The following EPS15L1 variants were observed in gnomAD, a reference collection of about 807,000 sequenced individuals.
EPS15L1 encodes epidermal growth factor receptor pathway substrate 15 like 1, also known as epidermal growth factor receptor substrate 15-like 1.
Under a neutral mutation model 117.1 loss-of-function variants are expected in EPS15L1, and 43 were observed. The observed-to-expected ratio is 0.37, with a 90% confidence interval of 0.29 to 0.47. The LOEUF (loss-of-function observed/expected upper bound fraction) is 0.47, where lower values mean the gene tolerates loss of function less well. EPS15L1 is among the 20% of genes least tolerant of loss of function. EPS15L1 has a pLI of 0.99. For missense variants in EPS15L1, 981 were observed against 1,164.0 expected (o/e 0.84, Z 2.29); for synonymous variants, 459 against 470.5 (o/e 0.98, Z 0.32).
intron 6 of EPS15L1, 68 bp downstream of exon 6, chr19:16,436,869 C>A: frequency 7.8e-7 from 1 of 1,286,066 alleles, no homozygotes; most frequent in Non-Finnish European, 1.1e-6. Flanking sequence ...CAGAACAATT[C>A]TAGAACAACT....
intron 21 of EPS15L1, 80 bp from the exon 22 acceptor site, chr19:16,377,334 G>C: frequency 6.5e-7 from 1 of 1,536,534 alleles, no homozygotes; most frequent in Non-Finnish European, 8.9e-7. Flanking sequence ...AGACGCTCAT[G>C]CTCCAAGGGC....
intron 9 of EPS15L1, among the ~76,000 whole-genome samples, chr19:16,422,509 G>A (rs1262141849): frequency 6.6e-6 from 1 of 152,120 alleles, no homozygotes; most frequent in African/African-American, 2.4e-5. Flanking sequence ...GATGATGAGG[G>A]AGTGGAGAGA....
intron 21 of EPS15L1, among the ~76,000 whole-genome samples, chr19:16,379,883 C>T (rs1302184224): frequency 6.6e-6 from 1 of 152,138 alleles, no homozygotes; most frequent in Admixed American, 6.5e-5. Flanking sequence ...ACTAGCCACA[C>T]CAATGCAGCC....
rs570096577 is a variant in EPS15L1 at position 16,451,804 on chromosome 19, C to T, written c.34-9585G>A. Among the ~76,000 whole-genome samples the T allele has an allele frequency of 2.5e-3, 375 of 149,144 alleles. 1 individual carries two copies. The highest frequency in any genetic ancestry group is 8.0e-3 in the African/African-American group (328 of 40,904). On this transcript the variant is annotated intron_variant, in intron 1 of 23. Transcript: ENST00000455140. ...TCGGCCTGCCAGAGTGCTGGGATTA[C>T]AGGCGTGAGCCACCGCGCCTGGCCT...
intron 13 of EPS15L1, 126 bp downstream of exon 13, chr19:16,413,647 C>T (rs2092728693): frequency 1.2e-6 from 1 of 810,834 alleles, no homozygotes; most frequent in Non-Finnish European, 2.0e-6. Context: ...ATTCTGCAGC[C>T]CCCAAGAGCT....
At chr19:16,461,041 C>T (rs2093244247) in intron 1 of EPS15L1, among the ~76,000 whole-genome samples, 1 of 151,948 alleles carries the variant, frequency 6.6e-6, no homozygotes, top group Non-Finnish European at 1.5e-5. Context: ...CGCGGTGGCT[C>T]ACGCCTGTAA....
intron 23 of EPS15L1, among the ~76,000 whole-genome samples, chr19:16,361,065 G>A (rs1599517215): frequency 6.6e-6 from 1 of 152,190 alleles, no homozygotes; most frequent in African/African-American, 2.4e-5. Context: ...GCGACGGCAT[G>A]TTACAATCTG....
At chr19:16,399,568 A>T (rs138995350) in intron 16 of EPS15L1, among the ~76,000 whole-genome samples, 1 of 152,312 alleles carries the variant, frequency 6.6e-6, no homozygotes, top group East Asian at 1.9e-4. Context: ...TCTCTCAGAA[A>T]AAAGCCCTGG....
chr19:16,362,160 C>G (rs2092064260), intron 22 of EPS15L1, among the ~76,000 whole-genome samples, 176 bp from the exon 23 acceptor site: 1 of 152,108 alleles, frequency 6.6e-6, no homozygotes, highest in African/African-American at 2.4e-5. Flanking sequence ...TCAGCTTTAT[C>G]CCAGGGGCTT....
intron 22 of EPS15L1, among the ~76,000 whole-genome samples, chr19:16,364,539 T>C (rs1428106988): frequency 6.6e-6 from 1 of 152,184 alleles, no homozygotes; most frequent in Non-Finnish European, 1.5e-5. Context: ...CTGGTTCCGC[T>C]GGCCTTGAGG....
At chr19:16,357,979 C>G (rs1056760069) in intron 23 of EPS15L1, 2 of 152,320 alleles carry the variant, frequency 1.3e-5, no homozygotes, top group Non-Finnish European at 2.9e-5. Context: ...GGGAGGGAGA[C>G]AGTGCAGCTG....
chr19:16,456,721 G>A (rs955574086), intron 1 of EPS15L1, among the ~76,000 whole-genome samples: 8 of 152,104 alleles, frequency 5.3e-5, no homozygotes, highest in African/African-American at 1.9e-4. Context: ...AGGGCAGGCG[G>A]GACAAAGTCA....
At chr19:16,395,667 G>C (rs2092532362) in intron 16 of EPS15L1, among the ~76,000 whole-genome samples, 200 bp from the exon 17 acceptor site, 1 of 152,160 alleles carries the variant, frequency 6.6e-6, no homozygotes, top group African/African-American at 2.4e-5. Flanking sequence ...AATGAGGCCA[G>C]GCATGGTGGC....
chr19:16,419,673 A>G (rs2092795475), intron 10 of EPS15L1, among the ~76,000 whole-genome samples: 1 of 152,230 alleles, frequency 6.6e-6, no homozygotes, highest in Admixed American at 6.5e-5. Flanking sequence ...CCGTTCTAAC[A>G]GACTTATTTA....
At chr19:16,385,232 G>C (rs765115797) in intron 20 of EPS15L1, 21 bp from the exon 21 acceptor site, 2 of 1,608,058 alleles carry the variant, frequency 1.2e-6, no homozygotes, top group Admixed American at 1.7e-5. Context: ...CACCAACAAA[G>C]TCAGAGTTAC....
chr19:16,359,716 G>C (rs118028279), intron 23 of EPS15L1, among the ~76,000 whole-genome samples: 3,357 of 152,156 alleles, frequency 0.022, 53 homozygotes, highest in Non-Finnish European at 0.034. Context: ...TTTAAAATTA[G>C]CCAGATGTGG....
intron 1 of EPS15L1, among the ~76,000 whole-genome samples, chr19:16,454,280 A>G (rs1006772027): frequency 4.6e-5 from 7 of 152,186 alleles, no homozygotes; most frequent in African/African-American, 4.8e-5. Context: ...ATGGGGTCCA[A>G]TCTTCATCAG....
intron 22 of EPS15L1, 61 bp from the exon 23 acceptor site, chr19:16,362,045 C>T: frequency 6.7e-7 from 1 of 1,484,720 alleles, no homozygotes; most frequent in Non-Finnish European, 9.0e-7. Flanking sequence ...CTCACCCGGA[C>T]AGAGCAGAAT....
At chr19:16,450,826 G>C (rs140566823) in intron 1 of EPS15L1, among the ~76,000 whole-genome samples, 1 of 151,850 alleles carries the variant, frequency 6.6e-6, no homozygotes, top group Non-Finnish European at 1.5e-5. Flanking sequence ...TGGTCATTTG[G>C]GTCCCCAGAG....
Sources: gnomAD v4.1 joint callset for allele counts (sites outside exome capture counted in the v4.1 genomes callset) on GRCh38, gnomAD v4.1.1 for gene constraint, MANE v1.5 for transcripts, NCBI Gene and HGNC (gene_info 2026-07-23, HGNC 2026-07-21) for gene names.